The following IL18RAP variants were observed in gnomAD, a reference collection of about 807,000 sequenced individuals.
The protein encoded by IL18RAP is interleukin 18 receptor accessory protein, also known as interleukin-18 receptor accessory protein.
In IL18RAP, 37 loss-of-function variants were observed where a neutral mutation model predicts 58.1. The observed-to-expected ratio is 0.64, with a 90% CI of 0.49 to 0.84. The LOEUF (loss-of-function observed/expected upper bound fraction) is 0.84. IL18RAP is among the 40% of genes least tolerant of loss of function. The probability of loss-of-function intolerance (pLI) is 0.00; values close to 1 mark genes in which losing one functional copy is unlikely to be tolerated. For synonymous variants in IL18RAP, 268 were observed against 257.5 expected (o/e 1.04, Z -0.39); for missense variants, 667 against 704.8 (o/e 0.95, Z 0.61).
At chr2:102,438,401 C>T (rs1682889544) in intron 4 of IL18RAP, among the ~76,000 whole-genome samples, 1 of 152,166 alleles carries the variant, frequency 6.6e-6, no homozygotes, top group Non-Finnish European at 1.5e-5. Context: ...AACTCTCCTG[C>T]CCCTTGCACC....
intron 6 of IL18RAP, among the ~76,000 whole-genome samples, chr2:102,443,686 C>T (rs1683244251): frequency 6.6e-6 from 1 of 151,994 alleles, no homozygotes; most frequent in Admixed American, 6.6e-5. Context: ...GTACAGGGAT[C>T]CAGATGTGTG....
chr2:102,449,603 A>G (rs189786258), intron 8 of IL18RAP, among the ~76,000 whole-genome samples: 2 of 152,342 alleles, frequency 1.3e-5, no homozygotes, highest in East Asian at 3.9e-4. Context: ...ATTTTTTAGC[A>G]AAATGACTGC....
Position 102,447,148 on chromosome 2 carries a change from A to G in IL18RAP, c.1151A>G (p.His384Arg), listed in dbSNP as rs147548529. 1.3e-3 allele frequency: 2,124 copies of G among 1,614,104 alleles called. 2 individuals are homozygous for G. Among genetic ancestry groups the G allele is most frequent in the Non-Finnish European group, 1.4e-3 (1,704 of 1,180,004 alleles). Reference sequence around the variant, plus strand: ...GCGGCGAGTGCCCTCCTCTACAGGCACTGGATTGAAATAGTGCTGCTGTAC... The same window carrying G: ...GCGGCGAGTGCCCTCCTCTACAGGCGCTGGATTGAAATAGTGCTGCTGTAC... ...VLAASALLYR[H>R]WIEIVLLYRT... Residue 384 changes from histidine to arginine, a missense_variant, in exon 8 of 10, where the codon CAC becomes CGC. His to Arg is a conservative substitution (Grantham distance 29, BLOSUM62 0). Coordinates refer to ENST00000687160, the MANE Select transcript of IL18RAP (RefSeq NM_001393487.1).
At chr2:102,426,937 A>G (rs1487975351) in intron 3 of IL18RAP, among the ~76,000 whole-genome samples, 1 of 152,030 alleles carries the variant, frequency 6.6e-6, no homozygotes, top group Non-Finnish European at 1.5e-5. Context: ...AGCCTCCATA[A>G]TCATCATTCT....
chr2:102,449,086 G>A (rs933766279), intron 8 of IL18RAP, among the ~76,000 whole-genome samples: 6 of 150,670 alleles, frequency 4.0e-5, no homozygotes, highest in South Asian at 2.1e-4. Flanking sequence ...TGGCCAACAC[G>A]GTGCAACCCC....
intron 3 of IL18RAP, among the ~76,000 whole-genome samples, chr2:102,430,270 T>C (rs1682248291): frequency 6.6e-6 from 1 of 152,086 alleles, no homozygotes; most frequent in Non-Finnish European, 1.5e-5. Flanking sequence ...ACAATTGTTA[T>C]ATCCTCTTAG....
intron 3 of IL18RAP, chr2:102,434,673 G>A (rs190586670): frequency 7.2e-5 from 11 of 152,300 alleles, no homozygotes; most frequent in African/African-American, 2.2e-4. Flanking sequence ...AAGGGCACTC[G>A]AATGCCCTAT....
intron 3 of IL18RAP, among the ~76,000 whole-genome samples, 198 bp downstream of exon 3, chr2:102,424,612 T>C (rs537158531): frequency 2.0e-5 from 3 of 152,266 alleles, no homozygotes; most frequent in Admixed American, 1.3e-4. Flanking sequence ...ATTCTAATTA[T>C]TAGAGGCATC....
intron 3 of IL18RAP, 104 bp from the exon 4 acceptor site, chr2:102,437,108 A>C: frequency 9.8e-7 from 1 of 1,018,540 alleles, no homozygotes; most frequent in Non-Finnish European, 1.4e-6. Flanking sequence ...TCTCAGATTG[A>C]CCTTCTTCCT....
At chr2:102,436,338 C>T (rs1328040021) in intron 3 of IL18RAP, among the ~76,000 whole-genome samples, 1 of 152,090 alleles carries the variant, frequency 6.6e-6, no homozygotes, top group East Asian at 1.9e-4. Flanking sequence ...TTGAATTTCC[C>T]CCTATGTTTT....
At chr2:102,439,209 A>T (rs1382935233) in intron 4 of IL18RAP, 1 of 152,244 alleles carries the variant, frequency 6.6e-6, no homozygotes, top group Non-Finnish European at 1.5e-5. Flanking sequence ...TTCAAGATAG[A>T]TCACCTTGTT....
chr2:102,420,681 C>A (rs762492638), upstream of IL18RAP, among the ~76,000 whole-genome samples: 2 of 152,136 alleles, frequency 1.3e-5, no homozygotes, highest in Non-Finnish European at 2.9e-5. Context: ...AGTCAGGGAG[C>A]TTTTTTAAAA....
In IL18RAP at chr2:102,451,750, A is replaced by G; in HGVS notation, c.1385-16A>G. ...TAACAATATCCATTGCAAATAATCA[A>G]ATGTTTTATTTCCAGTGTATGCAGA... On this transcript the variant is annotated splice_polypyrimidine_tract_variant and intron_variant, in intron 9 of 9. Coordinates refer to ENST00000687160, the MANE Select transcript of IL18RAP (RefSeq NM_001393487.1). The G allele has an allele frequency of 6.3e-7, 1 of 1,589,556 alleles. No homozygotes were observed. The highest frequency in any genetic ancestry group is 8.6e-7 in the Non-Finnish European group (1 of 1,165,882).
chr2:102,437,085 T>G, intron 3 of IL18RAP, 127 bp from the exon 4 acceptor site: 135 of 786,058 alleles, frequency 1.7e-4, no homozygotes, highest in Non-Finnish European at 2.6e-4. Context: ...TCATAGCTTG[T>G]GAGATACCCT....
intron 4 of IL18RAP, 63 bp downstream of exon 4, chr2:102,437,425 G>T: frequency 6.6e-7 from 1 of 1,523,536 alleles, no homozygotes; most frequent in Admixed American, 1.9e-5. Context: ...ATCTTCTTTT[G>T]GCTTAGTAAG....
chr2:102,424,061 C>A lies in IL18RAP; in HGVS notation c.321C>A (p.Asp107Glu), dbSNP rs776909502. The change falls in exon 2 of 10, where the codon GAC becomes GAA. Residue 107 changes from aspartate to glutamate, a missense_variant. Physicochemically the swap from Asp to Glu is conservative, Grantham distance 45. Coordinates refer to ENST00000687160, the MANE Select transcript of IL18RAP (RefSeq NM_001393487.1). ...AAAGCTATCCTCACATCATTCAGGA[C>A]AAATGTACCCTTCACTTTTTGACCC... The part of the protein sequence containing the change: ...IRKSYPHIIQ[D>E]KCTLHFLTPG... The A allele has an allele frequency of 3.1e-6, 5 of 1,613,964 alleles. No individual in the cohort carries two copies. The African/African-American group carries it at 6.7e-5, about 22-fold the overall frequency.
upstream of IL18RAP, among the ~76,000 whole-genome samples, chr2:102,422,395 G>T (rs1188298273): frequency 1.3e-5 from 2 of 152,186 alleles, no homozygotes; most frequent in Non-Finnish European, 2.9e-5. Context: ...AAGTTCATCT[G>T]CCCTCCCTTA....
chr2:102,433,597 G>T (rs1048239095), intron 3 of IL18RAP, among the ~76,000 whole-genome samples: 18 of 151,890 alleles, frequency 1.2e-4, no homozygotes, highest in Admixed American at 1.2e-3. Context: ...CTAGCTCAGT[G>T]CACTGAGCTA....
At chr2:102,437,507 A>C in intron 4 of IL18RAP, 145 bp downstream of exon 4, 1 of 705,552 alleles carries the variant, frequency 1.4e-6, no homozygotes, top group Non-Finnish European at 2.1e-6. Flanking sequence ...GTGGGCAAAC[A>C]TCAAAGTTGC....
Sources: allele counts gnomAD v4.1 joint callset (sites outside exome capture counted in the v4.1 genomes callset), GRCh38; gene constraint gnomAD v4.1.1; transcripts MANE v1.5; gene names NCBI Gene and HGNC (gene_info 2026-07-23, HGNC 2026-07-21).